The following SOX6 variants were observed in gnomAD, a reference collection of about 807,000 sequenced individuals.
The protein encoded by SOX6 is transcription factor SOX-6.
In SOX6, 11 loss-of-function variants were observed where a neutral mutation model predicts 97.8. The ratio of observed to expected loss-of-function variants is 0.11; its 90% CI spans 0.07 to 0.19. The LOEUF is 0.19. Ranked by LOEUF, SOX6 falls within the 10% of genes least tolerant of loss-of-function variation. The probability of loss-of-function intolerance (pLI) is 1.00; values close to 1 mark genes in which losing one functional copy is unlikely to be tolerated. For missense variants in SOX6, 810 were observed against 1,039.5 expected (o/e 0.78, Z 3.04); for synonymous variants, 360 against 371.4 (o/e 0.97, Z 0.35).
At chr11:16,165,348 T>C (rs1185184875) in intron 6 of SOX6, among the ~76,000 whole-genome samples, 1 of 152,208 alleles carries the variant, frequency 6.6e-6, no homozygotes, top group Non-Finnish European at 1.5e-5. Context: ...ATTATCTTTT[T>C]CACCTTGGTA....
At chr11:16,362,937 T>A (rs535578598) in intron 1 of SOX6, among the ~76,000 whole-genome samples, 1 of 152,322 alleles carries the variant, frequency 6.6e-6, no homozygotes, top group African/African-American at 2.4e-5. Context: ...GAGATCTTTA[T>A]AAGTCTGGTA....
intron 3 of SOX6, among the ~76,000 whole-genome samples, chr11:16,235,213 C>T (rs1275948252): frequency 6.6e-6 from 1 of 151,934 alleles, no homozygotes; most frequent in African/African-American, 2.4e-5. Context: ...TTCTCTGACC[C>T]CTAGTAATAA....
At chr11:16,426,384 T>C (rs143066560) in intron 1 of SOX6, among the ~76,000 whole-genome samples, 1 of 146,842 alleles carries the variant, frequency 6.8e-6, no homozygotes, top group Non-Finnish European at 1.5e-5. Context: ...GCTGAAAGTA[T>C]CATGCTACCC....
intron 1 of SOX6, among the ~76,000 whole-genome samples, chr11:16,355,350 G>C (rs1857045511): frequency 6.6e-6 from 1 of 151,970 alleles, no homozygotes; most frequent in South Asian, 2.1e-4. Context: ...CAAAAGAAAT[G>C]TATCGCAGAA....
chr11:16,657,772 C>T (rs1057076119), intron 3 of SOX6, among the ~76,000 whole-genome samples: 3 of 152,102 alleles, frequency 2.0e-5, no homozygotes, highest in Non-Finnish European at 4.4e-5. Flanking sequence ...TTTGCCATTT[C>T]TTCTTTAGTG....
chr11:16,183,500 T>A (rs2134101334), intron 6 of SOX6, among the ~76,000 whole-genome samples: 1 of 152,128 alleles, frequency 6.6e-6, no homozygotes, highest in Non-Finnish European at 1.5e-5. Flanking sequence ...GTCCAATTAG[T>A]CCTAACAAGT....
At chr11:16,542,530 G>C (rs1188980274) in intron 4 of SOX6, among the ~76,000 whole-genome samples, 1 of 152,036 alleles carries the variant, frequency 6.6e-6, no homozygotes, top group Non-Finnish European at 1.5e-5. Context: ...GCAGTTGTTT[G>C]AACTATTAAG....
intron 1 of SOX6, among the ~76,000 whole-genome samples, chr11:16,387,550 A>G (rs1039517559): frequency 2.6e-5 from 4 of 152,116 alleles, no homozygotes; most frequent in Non-Finnish European, 5.9e-5. Flanking sequence ...TTGAATATAA[A>G]AAGATTAAGC....
At chr11:16,506,205 C>T (rs925674905) in intron 4 of SOX6, among the ~76,000 whole-genome samples, 3 of 152,176 alleles carry the variant, frequency 2.0e-5, no homozygotes, top group African/African-American at 7.2e-5. Flanking sequence ...TATCCTGCAC[C>T]ACAGGGGTGG....
At chr11:16,556,668 T>C (rs1175610031) in intron 4 of SOX6, among the ~76,000 whole-genome samples, 1 of 151,826 alleles carries the variant, frequency 6.6e-6, no homozygotes, top group East Asian at 1.9e-4. Context: ...GGCTTCACTT[T>C]CATCAAATAA....
rs150087336 is a variant in SOX6, at chr11:16,179,160, A to G, written c.777+4726T>C. 8.7e-3 allele frequency among the ~76,000 whole-genome samples: 1,322 copies of G among 152,018 alleles called. 22 individuals carry two copies. The highest frequency in any genetic ancestry group is 0.03 in the African/African-American group (1,239 of 41,522). On this transcript the variant is annotated intron_variant, in intron 6 of 15. Transcript: ENST00000683767. Reference sequence around the variant, plus strand: ...AAATGCCTGTAGTTAATCATATTGAAGGAAACAAAAGGTAAGGTCTATCTC... The same window carrying G: ...AAATGCCTGTAGTTAATCATATTGAGGGAAACAAAAGGTAAGGTCTATCTC...
chr11:16,172,632 G>C (rs1453069688), intron 6 of SOX6, among the ~76,000 whole-genome samples: 1 of 151,986 alleles, frequency 6.6e-6, no homozygotes, highest in Admixed American at 6.6e-5. Flanking sequence ...TCCTAAGCAC[G>C]ACTATCTACT....
intron 15 of SOX6, among the ~76,000 whole-genome samples, chr11:15,981,309 C>T (rs550299003): frequency 6.6e-6 from 1 of 152,014 alleles, no homozygotes; most frequent in Non-Finnish European, 1.5e-5. Context: ...TATTTAAGAA[C>T]CCTTCCTCCC....
intron 6 of SOX6, among the ~76,000 whole-genome samples, chr11:16,135,133 A>G (rs1445125895): frequency 6.6e-6 from 1 of 152,162 alleles, no homozygotes; most frequent in Non-Finnish European, 1.5e-5. Flanking sequence ...TGAATATTTA[A>G]GCCTACTGTT....
At chr11:16,298,201 G>T (rs1026558373) in intron 3 of SOX6, among the ~76,000 whole-genome samples, 6 of 152,062 alleles carry the variant, frequency 3.9e-5, no homozygotes, top group Admixed American at 2.0e-4. Flanking sequence ...TTAAAATCCA[G>T]GAATATTAGT....
intron 4 of SOX6, among the ~76,000 whole-genome samples, chr11:16,193,117 GGAGAAA>G (rs1337232176): frequency 6.6e-6 from 1 of 152,056 alleles, no homozygotes; most frequent in Non-Finnish European, 1.5e-5. Context: ...ACACAGCAAC[GGAGAAA>G]GAGAAAAAGA....
chr11:16,103,382 C>T (rs1374175488), intron 7 of SOX6, among the ~76,000 whole-genome samples: 4 of 151,484 alleles, frequency 2.6e-5, no homozygotes, highest in Non-Finnish European at 4.4e-5. Flanking sequence ...ATGATACTGG[C>T]GTGGATGTGG....
chr11:16,695,085 A>C (rs1848043753), intron 3 of SOX6, among the ~76,000 whole-genome samples: 1 of 152,178 alleles, frequency 6.6e-6, no homozygotes, highest in Admixed American at 6.5e-5. Context: ...TCAATCCCCC[A>C]CGGATACCAA....
At chr11:16,498,549 G>A (rs1278206071) in intron 4 of SOX6, among the ~76,000 whole-genome samples, 2 of 152,172 alleles carry the variant, frequency 1.3e-5, no homozygotes, top group East Asian at 1.9e-4. Context: ...TCAGTGTGCT[G>A]TATTCAGGAA....
Sources: allele counts gnomAD v4.1 joint callset (sites outside exome capture counted in the v4.1 genomes callset), GRCh38; gene constraint gnomAD v4.1.1; transcripts MANE v1.5; gene names NCBI Gene and HGNC (gene_info 2026-07-23, HGNC 2026-07-21).